The following DDX56 variants were observed in gnomAD, a reference collection of about 807,000 sequenced individuals.
DDX56 encodes DEAD-box helicase 56, also known as probable ATP-dependent RNA helicase DDX56.
Under a neutral mutation model 61.5 loss-of-function variants are expected in DDX56, and 45 were observed. The ratio of observed to expected loss-of-function variants is 0.73; its 90% CI spans 0.58 to 0.94. The LOEUF (loss-of-function observed/expected upper bound fraction) is 0.94. Ranked by LOEUF, DDX56 falls within the 40% of genes least tolerant of loss-of-function variation. The pLI is 0.00. For synonymous variants in DDX56, 273 were observed against 268.3 expected (o/e 1.02, Z -0.17); for missense variants, 708 against 690.7 (o/e 1.02, Z -0.28).
chr7:44,570,075 G>C lies in DDX56; in HGVS notation c.1064C>G (p.Ser355Cys), dbSNP rs544610642. The C allele has an allele frequency of 1.9e-6, 3 of 1,614,154 alleles. 1 individual carries two copies. The South Asian group carries it at 3.3e-5, about 18-fold the overall frequency. Residue 355 changes from serine to cysteine, a missense_variant, in exon 8 of 14, where the codon TCT (serine) becomes TGT (cysteine). By Grantham distance (112) the Ser-to-Cys change is moderately radical (BLOSUM62 -1). Transcript: ENST00000258772. ...VARGIDFHHV[S>C]AVLNFDLPPT... is the part of the protein sequence containing the mutation. ...GGGAAGATCAAAGTTGAGCACAGCA[G>C]ACACATGGTGGAAGTCTATGCCCCG...
In DDX56 at chr7:44,569,769, G is replaced by A. The variant is rs201341324; in HGVS notation, c.1219+40C>T. ...GGAGTTTTAAAGCATTGTGGAAGAA[G>A]CCTGACCCTGGCCCAGGACCACAAG... On this transcript the variant is annotated intron_variant, in intron 9 of 13. Coordinates refer to ENST00000258772, the MANE Select transcript of DDX56 (RefSeq NM_019082.4). 9.8e-6 allele frequency: 15 copies of A among 1,533,186 alleles called. No homozygotes were observed. The African/African-American group carries it at 2.1e-4, about 21-fold the overall frequency. The allele number at this position is 1,533,186 out of a possible 1,614,324, so 95.0% of individuals were successfully genotyped here.
intron 2 of DDX56, 136 bp from the exon 3 acceptor site, chr7:44,573,186 G>T: frequency 1.3e-6 from 1 of 754,330 alleles, no homozygotes; most frequent in Non-Finnish European, 2.0e-6. Context: ...CACTCTGCCC[G>T]CCTCAGAATG....
intron 6 of DDX56, 49 bp from the exon 7 acceptor site, chr7:44,570,926 G>A: frequency 6.3e-7 from 1 of 1,578,468 alleles, no homozygotes; most frequent in Non-Finnish European, 8.6e-7. Context: ...CAAGCTCAAG[G>A]CCCCTCTGCC....
chr7:44,567,911 A>G (rs780546141), intron 12 of DDX56: 2 of 594,902 alleles, frequency 3.4e-6, no homozygotes, highest in Non-Finnish European at 6.0e-6. Context: ...TCTAAAATGG[A>G]GACAGCAACA....
chr7:44,573,163 T>C (rs1802724523), intron 2 of DDX56, 113 bp from the exon 3 acceptor site: 1 of 923,746 alleles, frequency 1.1e-6, no homozygotes, highest in East Asian at 2.6e-5. Flanking sequence ...TTAGCAGTAC[T>C]TTGATCATCT....
chr7:44,567,337 T>G, intron 12 of DDX56, among the ~76,000 whole-genome samples: 1 of 152,204 alleles, frequency 6.6e-6, no homozygotes, highest in East Asian at 1.9e-4. Flanking sequence ...AGGTCCAGGC[T>G]GAGCAGACCC....
chr7:44,567,755 G>A (rs912634775), intron 12 of DDX56: 1 of 334,694 alleles, frequency 3.0e-6, no homozygotes, highest in South Asian at 2.6e-5. Context: ...AGCACAGGTG[G>A]CTCTCTCTGC....
chr7:44,569,025 G>C, intron 10 of DDX56, 33 bp from the exon 11 acceptor site: 2 of 1,612,584 alleles, frequency 1.2e-6, no homozygotes, highest in Non-Finnish European at 1.7e-6. Flanking sequence ...AAGACAGTGA[G>C]GCTGCCCCAA....
chr7:44,570,116 C>A lies in DDX56; in HGVS notation c.1023G>T (p.Pro341=). 3 of 1,614,048 alleles carry A rather than the reference C, an allele frequency of 1.9e-6. No individual in the cohort carries two copies. Among genetic ancestry groups the A allele is most frequent in the Non-Finnish European group, 2.5e-6 (3 of 1,180,038 alleles). Residue 341 remains proline (P), a synonymous_variant, in exon 8 of 14, where the codon CCG becomes CCT. Transcript: ENST00000258772. ...RGPKGDKASD[P]EAGVARGIDF... ...CTATGCCCCGGGCCACACCTGCTTC[C>A]GGATCAGAGGCCCTGCAGAGATAAC... is the stretch of plus-strand genomic sequence containing the variant.
At chr7:44,567,122 T>C (rs1802560980) in intron 12 of DDX56, among the ~76,000 whole-genome samples, 1 of 130,368 alleles carries the variant, frequency 7.7e-6, no homozygotes, top group African/African-American at 2.9e-5. Context: ...CCTCCTCACA[T>C]CTCAGGCCAG....
At position 44,565,973 on chromosome 7, in the gene DDX56, G is replaced by A. The variant is rs995923553; in HGVS notation, c.*29C>T. 7.1e-6 allele frequency: 11 copies of A among 1,549,192 alleles called. No homozygotes were observed. Among genetic ancestry groups the A allele is most frequent in the Non-Finnish European group, 9.8e-6 (11 of 1,124,362 alleles). ...AGGGTGTAAGCCTGTGCTCCACAAT[G>A]TGCTCAGCTCCAGAGAGGCCCAACA... On this transcript the variant is annotated 3_prime_UTR_variant, in exon 14 of 14. Transcript: ENST00000258772.
At position 44,570,072 on chromosome 7, in the gene DDX56, G is replaced by A. The variant is rs982537580; in HGVS notation, c.1067C>T (p.Ala356Val). ...TGGGGGAAGATCAAAGTTGAGCACA[G>A]CAGACACATGGTGGAAGTCTATGCC... ...ARGIDFHHVS[A>V]VLNFDLPPTP... The change falls in exon 8 of 14, where the codon GCT (alanine) becomes GTT (valine). Residue 356 changes from alanine to valine, a missense_variant. Coordinates refer to ENST00000258772, the MANE Select transcript of DDX56 (RefSeq NM_019082.4). 4 of 1,614,194 alleles carry A rather than the reference G, an allele frequency of 2.5e-6. No individual in the cohort carries two copies. Among genetic ancestry groups the A allele is most frequent in the Middle Eastern group, 1.7e-4 (1 of 6,060 alleles).
Position 44,572,338 on chromosome 7 carries a change from G to T in DDX56, c.645+9C>A. 1 of 1,610,892 alleles carries T rather than the reference G, an allele frequency of 6.2e-7. No homozygotes were observed. The highest frequency in any genetic ancestry group is 8.5e-7 in the Non-Finnish European group (1 of 1,177,314). ...CTGCAGCTCCAGACACTTCCATGGT[G>T]CCTCTTACCGGGTTATGTAATATCA... On this transcript the variant is annotated intron_variant, in intron 5 of 13. Coordinates refer to ENST00000258772, the MANE Select transcript of DDX56 (RefSeq NM_019082.4).
intron 12 of DDX56, among the ~76,000 whole-genome samples, chr7:44,566,810 C>T (rs1802550073): frequency 1.3e-5 from 2 of 152,128 alleles, no homozygotes; most frequent in African/African-American, 4.8e-5. Context: ...TAAAAGTCAA[C>T]AGGTAGTTTC....
chr7:44,568,068 A>T, intron 12 of DDX56, 50 bp downstream of exon 12: 1 of 1,441,442 alleles, frequency 6.9e-7, no homozygotes, highest in Non-Finnish European at 9.7e-7. Flanking sequence ...TGGAGAAATT[A>T]ATGCCACTTC....
In DDX56 at chr7:44,570,770, G is replaced by A. The variant is rs749358645; in HGVS notation, c.998C>T (p.Pro333Leu). 1.2e-6 allele frequency: 2 copies of A among 1,612,006 alleles called. No homozygotes were observed. Among genetic ancestry groups the A allele is most frequent in the Non-Finnish European group, 1.7e-6 (2 of 1,178,828 alleles). Residue 333 changes from proline (P) to leucine (L), a missense_variant, in exon 7 of 14, where the codon CCC becomes CTC. Coordinates refer to ENST00000258772, the MANE Select transcript of DDX56 (RefSeq NM_019082.4). ...PVKGKRRGRG[P>L]KGDKASDPEA... is the part of the protein sequence containing the mutation. ...GGCATGGACTCACTTGTCCCCTTTG[G>A]GCCCTCGGCCCCGACGCTTGCCCTT...
At chr7:44,570,899 G>T in intron 6 of DDX56, 22 bp from the exon 7 acceptor site, 1 of 1,604,998 alleles carries the variant, frequency 6.2e-7, no homozygotes, top group African/African-American at 1.3e-5. Context: ...AGCGGACAGA[G>T]AATCAGCTCA....
rs1275248761 is a variant in DDX56 at position 44,573,868 on chromosome 7, C to T, written c.28G>A (p.Glu10Lys). 6.2e-7 allele frequency: 1 copy of T among 1,613,162 alleles called. No individual in the cohort carries two copies. The highest frequency in any genetic ancestry group is 8.5e-7 in the Non-Finnish European group (1 of 1,180,004). The change falls in exon 1 of 14, where the codon GAA (glutamate) becomes AAA (lysine). Residue 10 changes from glutamate (E) to lysine (K), a missense_variant. Transcript: ENST00000258772. ...AGCCGGGGATCGAGGCCCATGTGTT[C>T]GAAGCCCAGTGCTTCAGAGTCCTCC... MEDSEALGFEHMGLDPRLLQ... is the reference protein window; with the variant it reads MEDSEALGFKHMGLDPRLLQ...
Position 44,570,754 on chromosome 7 carries a change from T to A in DDX56, c.1010+4A>T. On this transcript the variant is annotated splice_donor_region_variant and intron_variant, in intron 7 of 13. Transcript: ENST00000258772. ...GAGGGATGGAAAAAGAGGCATGGAC[T>A]CACTTGTCCCCTTTGGGCCCTCGGC... The A allele has an allele frequency of 6.2e-7, 1 of 1,600,962 alleles. No individual in the cohort carries two copies. Among genetic ancestry groups the A allele is most frequent in the Non-Finnish European group, 8.5e-7 (1 of 1,172,974 alleles).
Sources: allele counts gnomAD v4.1 joint callset (sites outside exome capture counted in the v4.1 genomes callset), GRCh38; gene constraint gnomAD v4.1.1; transcripts MANE v1.5; gene names NCBI Gene and HGNC (gene_info 2026-07-23, HGNC 2026-07-21).